Variants in ARHGAP6 observed in about 807,000 individuals in gnomAD.
ARHGAP6 encodes the protein rho GTPase-activating protein 6.
A neutral mutation model predicts 55.7 loss-of-function variants in ARHGAP6; 16 were observed. That is an observed-to-expected ratio of 0.29 (90% CI 0.19 to 0.44). The LOEUF (loss-of-function observed/expected upper bound fraction) is 0.44, where lower values mean the gene tolerates loss of function less well. ARHGAP6 is among the 20% of genes least tolerant of loss of function. The pLI is 1.00. For synonymous variants in ARHGAP6, 382 were observed against 360.9 expected, an observed-to-expected ratio of 1.06 and a Z score of -0.66; for missense variants, 698 against 808.9, an observed-to-expected ratio of 0.86 and a Z score of 1.66.
chrX:11,618,765 T>C (rs1293765748), intron 1 of ARHGAP6, among the ~76,000 whole-genome samples: 1 of 112,616 alleles, frequency 8.9e-6, no homozygotes, highest in Non-Finnish European at 1.9e-5. Context: ...ACCCATGCTG[T>C]TGAGATTCTG....
At chrX:11,585,540 C>A (rs1286502252) in intron 1 of ARHGAP6, among the ~76,000 whole-genome samples, 2 of 112,383 alleles carry the variant, frequency 1.8e-5, no homozygotes, top group Non-Finnish European at 3.8e-5. Context: ...TGATGTTGAG[C>A]TTTTTCTTCA....
intron 1 of ARHGAP6, chrX:11,300,739 A>T: frequency 1.6e-6 from 1 of 618,177 alleles, no homozygotes; most frequent in East Asian, 3.4e-5. Flanking sequence ...CCATTAGCAG[A>T]CAATAAAATG....
chrX:11,144,981 G>T (rs2045670229), intron 10 of ARHGAP6: 1 of 112,508 alleles, frequency 8.9e-6, no homozygotes, highest in South Asian at 3.7e-4. Flanking sequence ...GTGTTCATGA[G>T]TTGTCACAGA....
intron 2 of ARHGAP6, among the ~76,000 whole-genome samples, chrX:11,203,074 G>C (rs1250284143): frequency 3.6e-5 from 4 of 110,746 alleles, no homozygotes; most frequent in Non-Finnish European, 5.7e-5. Flanking sequence ...TAAAGCACTT[G>C]GAACAGGTCT....
chrX:11,477,902 A>G (rs1438757130), intron 1 of ARHGAP6, among the ~76,000 whole-genome samples: 1 of 111,937 alleles, frequency 8.9e-6, no homozygotes, highest in Admixed American at 9.4e-5. Context: ...AATATTTGAT[A>G]TCTTGATGTG....
intron 1 of ARHGAP6, among the ~76,000 whole-genome samples, chrX:11,633,828 T>A (rs1243720722): frequency 9.0e-6 from 1 of 111,716 alleles, no homozygotes; most frequent in Non-Finnish European, 1.9e-5. Flanking sequence ...CTATTACATA[T>A]CAGTCAAGGG....
intron 1 of ARHGAP6, among the ~76,000 whole-genome samples, chrX:11,492,482 T>C (rs1449594636): frequency 8.9e-6 from 1 of 111,780 alleles, no homozygotes; most frequent in Non-Finnish European, 1.9e-5. Context: ...TGCTATCTAC[T>C]GACCAAGTCC....
chrX:11,530,728 C>T (rs1471097742), intron 1 of ARHGAP6, among the ~76,000 whole-genome samples: 1 of 111,316 alleles, frequency 9.0e-6, no homozygotes, highest in Non-Finnish European at 1.9e-5. Context: ...AAGGGAAAAA[C>T]ACTTCAGGCA....
At chrX:11,599,851 AATGTAT>A (rs1207818961) in intron 1 of ARHGAP6, among the ~76,000 whole-genome samples, 1 of 112,371 alleles carries the variant, frequency 8.9e-6, no homozygotes, top group East Asian at 2.8e-4. Flanking sequence ...ATTACTTCAC[AATGTAT>A]ATGTATATCA....
chrX:11,618,504 C>T (rs761197570), intron 1 of ARHGAP6, among the ~76,000 whole-genome samples: 1 of 112,071 alleles, frequency 8.9e-6, no homozygotes. Context: ...TTCTAGGTGT[C>T]TATCCCATTT....
At chrX:11,262,766 G>A (rs1183112361) in intron 1 of ARHGAP6, among the ~76,000 whole-genome samples, 1 of 111,554 alleles carries the variant, frequency 9.0e-6, no homozygotes, top group African/African-American at 3.3e-5. Context: ...CATAATAAAA[G>A]TTGAGTCTCA....
At chrX:11,502,371 A>G (rs1250904745) in intron 1 of ARHGAP6, among the ~76,000 whole-genome samples, 1 of 112,327 alleles carries the variant, frequency 8.9e-6, no homozygotes, top group Non-Finnish European at 1.9e-5. Context: ...AAGTTTCTGG[A>G]GTTCTATTTC....
intron 1 of ARHGAP6, among the ~76,000 whole-genome samples, chrX:11,257,813 G>A (rs1466404035): frequency 1.8e-5 from 2 of 111,824 alleles, no homozygotes; most frequent in African/African-American, 6.5e-5. Context: ...ACAAGGCTTT[G>A]TTATCTATCT....
At chrX:11,209,064 C>A (rs182550927) in intron 2 of ARHGAP6, among the ~76,000 whole-genome samples, 1 of 112,032 alleles carries the variant, frequency 8.9e-6, no homozygotes, top group African/African-American at 3.2e-5. Flanking sequence ...TTATAATACC[C>A]ATGTAGAATA....
At chrX:11,604,421 T>C (rs768664404) in intron 1 of ARHGAP6, among the ~76,000 whole-genome samples, 76 of 111,892 alleles carry the variant, frequency 6.8e-4, no homozygotes, top group African/African-American at 2.1e-3. Context: ...AACTGCCACA[T>C]AGTGGCTCAA....
Position 11,323,602 on chromosome X carries a change from C to T in ARHGAP6, c.589-68895G>A, listed in dbSNP as rs528203392. ...GATGAGGGCTGAGTGTGGTGGCTCA[C>T]GCCTGTAATCCCAGCACTTTGGGAT... On this transcript the variant is annotated intron_variant, in intron 1 of 12. Transcript: ENST00000337414. Among the ~76,000 whole-genome samples the T allele has an allele frequency of 3.8e-3, 425 of 111,920 alleles. 1 individual carries two copies. Among genetic ancestry groups the T allele is most frequent in the Middle Eastern group, 0.014 (3 of 218 alleles).
chrX:11,273,059 C>T (rs2047710899), intron 1 of ARHGAP6, among the ~76,000 whole-genome samples: 3 of 110,933 alleles, frequency 2.7e-5, no homozygotes, highest in Non-Finnish European at 3.8e-5. Context: ...GATAAATGAA[C>T]GTGTCACATG....
rs2046067447 is a variant in ARHGAP6 at position 11,169,954 on chromosome X, A to C, written c.1630-270T>G. ...TTTATTGTAAAATGGGTACTACATA[A>C]AATTTCTATCCTGTTTGCACTTAAG... On this transcript the variant is annotated intron_variant, in intron 8 of 12. Coordinates refer to ENST00000337414, the MANE Select transcript of ARHGAP6 (RefSeq NM_013427.3). 2.7e-5 allele frequency among the ~76,000 whole-genome samples: 3 copies of C among 110,876 alleles called. No individual in the cohort carries two copies. In the Admixed American group the frequency reaches 2.9e-4, roughly 11 times the overall value.
At chrX:11,416,750 G>A (rs1456892270) in intron 1 of ARHGAP6, among the ~76,000 whole-genome samples, 1 of 110,183 alleles carries the variant, frequency 9.1e-6, no homozygotes, top group Admixed American at 9.7e-5. Context: ...ATCCATGCAG[G>A]ACTCGTGTTT....
Sources: gnomAD v4.1 joint callset for allele counts (sites outside exome capture counted in the v4.1 genomes callset) on GRCh38, gnomAD v4.1.1 for gene constraint, MANE v1.5 for transcripts, NCBI Gene and HGNC (gene_info 2026-07-23, HGNC 2026-07-21) for gene names.